GRIK4: variants seen among roughly 807,000 people sequenced by gnomAD.
GRIK4 encodes the protein glutamate ionotropic receptor kainate type subunit 4, also known as glutamate receptor ionotropic, kainate 4.
GRIK4 carries 40 observed loss-of-function variants against 104.9 expected under a neutral mutation model. That is an observed-to-expected ratio of 0.38 (90% CI 0.30 to 0.50). The LOEUF (loss-of-function observed/expected upper bound fraction) is 0.50, where lower values mean the gene tolerates loss of function less well. Ranked by LOEUF, GRIK4 falls within the 20% of genes least tolerant of loss-of-function variation. GRIK4 has a pLI of 0.93. For synonymous variants in GRIK4, 485 were observed against 524.9 expected, an observed-to-expected ratio of 0.92 and a Z score of 1.04; for missense variants, 1,047 against 1,308.1, an observed-to-expected ratio of 0.80 and a Z score of 3.08.
chr11:120,785,972 T>G (rs1472829283), intron 3 of GRIK4, among the ~76,000 whole-genome samples: 1 of 152,206 alleles, frequency 6.6e-6, no homozygotes, highest in Admixed American at 6.5e-5. Context: ...GAGCAACTGC[T>G]TACTCAAGAG....
rs561504654 is a variant in GRIK4 at position 120,620,118 on chromosome 11, G to C, written c.-158-33567G>C. 5.1e-6 allele frequency: 4 copies of C among 783,256 alleles called. No individual in the cohort carries two copies. In the Admixed American group the frequency reaches 7.0e-5, roughly 14 times the overall value. 48.5% of individuals were successfully genotyped at this position (783,256 alleles called of 1,614,324 possible). On this transcript the variant is annotated intron_variant, in intron 1 of 20. Transcript: ENST00000527524. The stretch of plus-strand genomic sequence containing the variant: ...CATTGGTTTCGTTCTCAGCAAAATT[G>C]ACCTGGGCCACTCAACATGGCTTTA...
rs548027400 is a variant in GRIK4, at chr11:120,636,794, C to T, written c.-158-16891C>T. ...GGTGGAGTTTGCAGTGAGCCAAGAT[C>T]GTGCCATTGCACTCCAGCCTGGGAG... On this transcript the variant is annotated intron_variant, in intron 1 of 20. Coordinates refer to ENST00000527524, the MANE Select transcript of GRIK4 (RefSeq NM_014619.5). 1.8e-4 allele frequency among the ~76,000 whole-genome samples: 28 copies of T among 152,082 alleles called. No homozygotes were observed. In the South Asian group the frequency reaches 1.9e-3, roughly 10 times the overall value.
At chr11:120,620,243 C>T in intron 1 of GRIK4, 2 of 760,570 alleles carry the variant, frequency 2.6e-6, no homozygotes, top group South Asian at 1.4e-5. Context: ...TCACAGCCAC[C>T]CTAATAGGTT....
chr11:120,644,011 CTGTGTG>C (rs369374873), intron 1 of GRIK4, among the ~76,000 whole-genome samples: 128 of 122,924 alleles, frequency 1.0e-3, no homozygotes, highest in African/African-American at 4.2e-3. Context: ...GGGAGAGGGT[CTGTGTG>C]TGTGTGTGTG....
chr11:120,632,189 G>A (rs182589132), intron 1 of GRIK4, among the ~76,000 whole-genome samples: 9 of 152,220 alleles, frequency 5.9e-5, no homozygotes, highest in Non-Finnish European at 1.2e-4. Flanking sequence ...CAGAGAGCTT[G>A]CTCTCTCTTT....
At chr11:120,959,504 A>C (rs1935262793) in intron 16 of GRIK4, among the ~76,000 whole-genome samples, 1 of 152,180 alleles carries the variant, frequency 6.6e-6, no homozygotes, top group South Asian at 2.1e-4. Flanking sequence ...AGCCCCATGA[A>C]CTCAGGCTCC....
rs927164585 is a variant in GRIK4, at chr11:120,737,622, A to G, written c.83-65071A>G. On this transcript the variant is annotated intron_variant, in intron 3 of 20. Transcript: ENST00000527524. Reference sequence around the variant, plus strand: ...GAAGGAGGAATCCGTAAATTAAAAGAGAGTTAGAAGACATAAAGTTTCAAA... The same window carrying G: ...GAAGGAGGAATCCGTAAATTAAAAGGGAGTTAGAAGACATAAAGTTTCAAA... Among the ~76,000 whole-genome samples the G allele has an allele frequency of 2.0e-5, 3 of 152,252 alleles. No individual in the cohort carries two copies. The East Asian group carries it at 5.8e-4, about 29-fold the overall frequency.
intron 11 of GRIK4, among the ~76,000 whole-genome samples, chr11:120,877,700 A>G (rs1416641569): frequency 6.6e-6 from 1 of 152,184 alleles, no homozygotes; most frequent in African/African-American, 2.4e-5. Context: ...TATATGTGAC[A>G]TAGTGTCAGG....
chr11:120,785,154 A>G (rs575261329), intron 3 of GRIK4, among the ~76,000 whole-genome samples: 2 of 152,002 alleles, frequency 1.3e-5, no homozygotes, highest in South Asian at 4.2e-4. Flanking sequence ...CAAATGGGCA[A>G]CTCCAGCCCA....
At chr11:120,545,856 AC>A (rs1161851212) in intron 1 of GRIK4, among the ~76,000 whole-genome samples, 1 of 152,226 alleles carries the variant, frequency 6.6e-6, no homozygotes, top group African/African-American at 2.4e-5. Context: ...AGAAGGAGTT[AC>A]TGAGAACTGC....
rs986820641 is a variant in GRIK4 at position 120,513,611 on chromosome 11, C to T, written c.-159+1724C>T. 3.3e-5 allele frequency among the ~76,000 whole-genome samples: 5 copies of T among 152,234 alleles called. No individual in the cohort carries two copies. The highest frequency in any genetic ancestry group is 7.3e-5 in the Non-Finnish European group (5 of 68,040). On this transcript the variant is annotated intron_variant, in intron 1 of 20. Coordinates refer to ENST00000527524, the MANE Select transcript of GRIK4 (RefSeq NM_014619.5). The surrounding 1 kb of genome is among the most constrained non-coding windows in gnomAD (Gnocchi z 4.5). ...CTTCGGAGAGTTAATCTAATATGCA[C>T]ACATTACAGTGTCTGGGTTTGTTTA...
intron 20 of GRIK4, among the ~76,000 whole-genome samples, chr11:120,983,487 T>A (rs1216701843): frequency 3.3e-5 from 5 of 152,236 alleles, no homozygotes; most frequent in African/African-American, 9.6e-5. Context: ...CTTTGGTGTG[T>A]CCCTTGATGA....
intron 1 of GRIK4, among the ~76,000 whole-genome samples, chr11:120,544,641 A>T (rs1948067859): frequency 6.6e-6 from 1 of 152,074 alleles, no homozygotes; most frequent in African/African-American, 2.4e-5. Flanking sequence ...CAACCTGGAC[A>T]TTTCAGCACA....
chr11:120,928,287 C>T (rs1401079963), intron 13 of GRIK4, among the ~76,000 whole-genome samples: 2 of 151,790 alleles, frequency 1.3e-5, no homozygotes, highest in South Asian at 2.1e-4. Context: ...CCCAAAGACC[C>T]CTCTGGCTGC....
intron 13 of GRIK4, among the ~76,000 whole-genome samples, chr11:120,912,518 A>G (rs1304556381): frequency 6.6e-6 from 1 of 152,178 alleles, no homozygotes; most frequent in Non-Finnish European, 1.5e-5. Context: ...AGTACAGAAG[A>G]ACATTTCCCA....
chr11:120,884,046 G>C (rs868182211), intron 11 of GRIK4, among the ~76,000 whole-genome samples: 2 of 152,202 alleles, frequency 1.3e-5, no homozygotes, highest in Non-Finnish European at 1.5e-5. Context: ...GGAGGTGAGG[G>C]AGCCACATGC....
At chr11:120,962,167 C>A (rs1031287068) in intron 17 of GRIK4, among the ~76,000 whole-genome samples, 12 of 152,142 alleles carry the variant, frequency 7.9e-5, no homozygotes, top group East Asian at 1.9e-4. Flanking sequence ...TAGAAGAGCT[C>A]TTGAGGGTAG....
chr11:120,737,114 T>C (rs900594722), intron 3 of GRIK4, among the ~76,000 whole-genome samples: 2 of 152,238 alleles, frequency 1.3e-5, no homozygotes, highest in Non-Finnish European at 1.5e-5. Flanking sequence ...GAGTTCATAA[T>C]GCCATTTTAA....
chr11:120,592,968 A>T (rs1948753047), intron 1 of GRIK4, among the ~76,000 whole-genome samples: 1 of 152,136 alleles, frequency 6.6e-6, no homozygotes, highest in African/African-American at 2.4e-5. Flanking sequence ...AGATCACCTG[A>T]GGTCAGGAGT....
Sources: gnomAD v4.1 joint callset for allele counts (sites outside exome capture counted in the v4.1 genomes callset) on GRCh38, gnomAD v4.1.1 for gene constraint, Gnocchi (gnomAD v3.1) non-coding constraint, MANE v1.5 for transcripts, NCBI Gene and HGNC (gene_info 2026-07-23, HGNC 2026-07-21) for gene names.